Variants in RUNX1 observed in about 807,000 individuals in gnomAD.
The protein encoded by RUNX1 is runt-related transcription factor 1.
A neutral mutation model predicts 42.8 loss-of-function variants in RUNX1; 19 were observed. The observed-to-expected ratio is 0.44, with a 90% CI of 0.31 to 0.65. The LOEUF (loss-of-function observed/expected upper bound fraction) is 0.65. Among genes scored for constraint, RUNX1 ranks in the 30% least tolerant of loss-of-function variants. The pLI, the probability that RUNX1 is intolerant of heterozygous loss-of-function variation, is 0.07. For missense variants in RUNX1, 528 were observed against 672.0 expected (o/e 0.79, Z 2.37); for synonymous variants, 271 against 289.4 (o/e 0.94, Z 0.64).
intron 2 of RUNX1, among the ~76,000 whole-genome samples, chr21:35,022,877 A>G (rs749643151): frequency 3.0e-5 from 3 of 99,258 alleles, no homozygotes; most frequent in Non-Finnish European, 7.3e-5. Flanking sequence ...TCTGGGCAAC[A>G]TGAATGATAC....
intron 2 of RUNX1, among the ~76,000 whole-genome samples, chr21:34,894,270 C>T (rs1407248257): frequency 6.6e-6 from 1 of 152,074 alleles, no homozygotes; most frequent in Non-Finnish European, 1.5e-5. Context: ...TTTTCCATGT[C>T]TGAGTCTAAG....
chr21:35,016,839 A>G lies in RUNX1; in HGVS notation c.58+32003T>C, dbSNP rs150972378. Reference sequence around the variant, plus strand: ...ATTAGCCTACTGAAGAGCCTGTTGTATCAGAATCCGTAGAATCTCTGGGAC... The same window carrying G: ...ATTAGCCTACTGAAGAGCCTGTTGTGTCAGAATCCGTAGAATCTCTGGGAC... On this transcript the variant is annotated intron_variant, in intron 2 of 8. Transcript: ENST00000675419. 3.3e-3 allele frequency among the ~76,000 whole-genome samples: 506 copies of G among 152,050 alleles called. 2 individuals are homozygous for G. The highest frequency in any genetic ancestry group is 4.0e-3 in the Non-Finnish European group (274 of 67,992).
intron 2 of RUNX1, among the ~76,000 whole-genome samples, chr21:35,021,449 A>G (rs1474779184): frequency 1.3e-5 from 2 of 152,252 alleles, no homozygotes; most frequent in East Asian, 3.8e-4. Flanking sequence ...CAATAATGAT[A>G]GAAGCTCCAA....
intron 6 of RUNX1, among the ~76,000 whole-genome samples, chr21:34,855,002 AAC>A (rs996081792): frequency 4.6e-5 from 7 of 152,220 alleles, no homozygotes; most frequent in Non-Finnish European, 7.3e-5. Context: ...GCTCAAGCAG[AAC>A]ACAGTCACGT....
intron 7 of RUNX1, among the ~76,000 whole-genome samples, chr21:34,825,770 G>A (rs1057426673): frequency 6.6e-6 from 1 of 152,200 alleles, no homozygotes; most frequent in African/African-American, 2.4e-5. Context: ...CTATAATTAA[G>A]TGAAGGATTT....
chr21:34,821,435 G>T, intron 7 of RUNX1: 1 of 1,343,122 alleles, frequency 7.4e-7, no homozygotes, highest in Non-Finnish European at 9.6e-7. Context: ...ATTTCTGCAG[G>T]CTAACTCATT....
intron 6 of RUNX1, among the ~76,000 whole-genome samples, chr21:34,850,381 G>A (rs1569053873): frequency 2.0e-5 from 3 of 152,182 alleles, no homozygotes; most frequent in Non-Finnish European, 2.9e-5. Flanking sequence ...GTGGGTGGCC[G>A]GCCATGTTTA....
intron 2 of RUNX1, among the ~76,000 whole-genome samples, chr21:34,984,777 A>C (rs1413860692): frequency 1.3e-5 from 2 of 152,222 alleles, no homozygotes; most frequent in Admixed American, 1.3e-4. Context: ...TCTGCAAAGT[A>C]GTTGGGCAAA....
At chr21:34,971,887 C>G (rs182838744) in intron 2 of RUNX1, among the ~76,000 whole-genome samples, 1 of 152,168 alleles carries the variant, frequency 6.6e-6, no homozygotes, top group African/African-American at 2.4e-5. Context: ...CTGTGGCCTA[C>G]CCTGATGAAG....
intron 2 of RUNX1, among the ~76,000 whole-genome samples, chr21:35,021,409 A>C (rs1474069432): frequency 6.6e-6 from 1 of 152,176 alleles, no homozygotes; most frequent in East Asian, 1.9e-4. Context: ...TATCAGGGAA[A>C]ATGTTTCTGT....
chr21:34,981,225 A>ATTT (rs2058844148), intron 2 of RUNX1, among the ~76,000 whole-genome samples: 1 of 152,228 alleles, frequency 6.6e-6, no homozygotes, highest in Non-Finnish European at 1.5e-5. Flanking sequence ...ATCTGATGTG[A>ATTT]GAAAAATAGA....
In RUNX1 at chr21:34,789,457, T is replaced by C. The variant is rs886057035; in HGVS notation, c.*2678A>G. ...GCAGTAGAAATGGCTTATTCAATAC[T>C]TCTCCTGGACCAGACACATGCAGTT... On this transcript the variant is annotated 3_prime_UTR_variant, in exon 9 of 9. Transcript: ENST00000675419. 8.6e-6 allele frequency: 2 copies of C among 233,718 alleles called. No homozygotes were observed. Among genetic ancestry groups the C allele is most frequent in the East Asian group, 1.2e-4 (2 of 16,586 alleles). The allele number at this position is 233,718 out of a possible 1,614,324, so 14.5% of individuals were successfully genotyped here. A position where few individuals can be genotyped will look rare whatever the true frequency, so the allele number is the denominator to read the frequency against.
chr21:35,000,699 A>G (rs1456730127), intron 2 of RUNX1, among the ~76,000 whole-genome samples: 3 of 152,226 alleles, frequency 2.0e-5, no homozygotes, highest in Non-Finnish European at 4.4e-5. Flanking sequence ...TGTATAAGTA[A>G]CATTAACTAC....
chr21:35,001,199 G>GT (rs921227758), intron 2 of RUNX1, among the ~76,000 whole-genome samples: 83 of 151,294 alleles, frequency 5.5e-4, no homozygotes, highest in East Asian at 2.3e-3. Context: ...TTTTTTAAAA[G>GT]TTTTTTTAAT....
At chr21:34,846,194 C>CTTCTTTTTTTTTTTTTT (rs1201995651) in intron 6 of RUNX1, among the ~76,000 whole-genome samples, 1 of 102,240 alleles carries the variant, frequency 9.8e-6, no homozygotes, top group Non-Finnish European at 2.0e-5. Flanking sequence ...TTAAGGATGT[C>CTTCTTTTTTTTTTTTTT]TTTTTTTTTT....
chr21:34,813,320 C>T (rs575348480), intron 7 of RUNX1, among the ~76,000 whole-genome samples: 1 of 152,268 alleles, frequency 6.6e-6, no homozygotes, highest in Non-Finnish European at 1.5e-5. Context: ...GCACACACTG[C>T]CACAATGGTT....
At chr21:34,819,125 T>G (rs1375891554) in intron 7 of RUNX1, among the ~76,000 whole-genome samples, 1 of 152,188 alleles carries the variant, frequency 6.6e-6, no homozygotes, top group African/African-American at 2.4e-5. Flanking sequence ...TCAAAGTCAC[T>G]GTAAGAAGTG....
intron 5 of RUNX1, among the ~76,000 whole-genome samples, chr21:34,876,425 G>A (rs1487219674): frequency 2.0e-5 from 3 of 152,178 alleles, no homozygotes; most frequent in African/African-American, 7.2e-5. Flanking sequence ...GGGCTAAGCT[G>A]GCCCTCCATG....
intron 2 of RUNX1, among the ~76,000 whole-genome samples, chr21:35,017,561 G>T (rs1260159401): frequency 6.6e-6 from 1 of 152,194 alleles, no homozygotes; most frequent in Non-Finnish European, 1.5e-5. Context: ...CTACTTTTCA[G>T]GCTATCTGGT....
Sources: allele counts gnomAD v4.1 joint callset (sites outside exome capture counted in the v4.1 genomes callset), GRCh38; gene constraint gnomAD v4.1.1; transcripts MANE v1.5; gene names NCBI Gene and HGNC (gene_info 2026-07-23, HGNC 2026-07-21).